The following SGCZ variants were observed in gnomAD, a reference collection of about 807,000 sequenced individuals.
SGCZ encodes sarcoglycan zeta.
In SGCZ, 40 loss-of-function variants were observed where a neutral mutation model predicts 41.3. The observed-to-expected ratio is 0.97, with a 90% CI of 0.75 to 1.26. The LOEUF (loss-of-function observed/expected upper bound fraction) is 1.26. Among genes scored for constraint, SGCZ ranks in the 50% most tolerant of loss-of-function variants. The pLI is 0.00. For synonymous variants in SGCZ, 206 were observed against 137.5 expected, an observed-to-expected ratio of 1.50 and a Z score of -3.49; for missense variants, 552 against 369.8, an observed-to-expected ratio of 1.49 and a Z score of -4.04.
intron 2 of SGCZ, among the ~76,000 whole-genome samples, chr8:14,362,778 A>G (rs564904329): frequency 2.6e-5 from 4 of 152,224 alleles, no homozygotes; most frequent in African/African-American, 9.6e-5. Context: ...TTCTGTGTCT[A>G]TCTCATTAGG....
chr8:14,772,987 C>G (rs183748694), intron 1 of SGCZ, among the ~76,000 whole-genome samples: 1 of 152,012 alleles, frequency 6.6e-6, no homozygotes, highest in Non-Finnish European at 1.5e-5. Flanking sequence ...GTTCTAGATC[C>G]CTGAGAAATT....
chr8:14,995,796 C>G (rs1802194873), intron 1 of SGCZ, among the ~76,000 whole-genome samples: 1 of 152,116 alleles, frequency 6.6e-6, no homozygotes, highest in Non-Finnish European at 1.5e-5. Context: ...TCTAAAATAT[C>G]TAATATGCAT....
chr8:14,136,566 A>G (rs920278642), intron 5 of SGCZ, among the ~76,000 whole-genome samples: 1 of 152,152 alleles, frequency 6.6e-6, no homozygotes, highest in Non-Finnish European at 1.5e-5. Flanking sequence ...GCAGTCCCAG[A>G]TCAAACTGCG....
intron 3 of SGCZ, among the ~76,000 whole-genome samples, chr8:14,281,576 G>T (rs542742972): frequency 6.6e-6 from 1 of 151,962 alleles, no homozygotes; most frequent in Admixed American, 6.6e-5. Context: ...CCAATTTATA[G>T]ACCATCTAGT....
intron 3 of SGCZ, among the ~76,000 whole-genome samples, chr8:14,269,615 G>T (rs942242813): frequency 4.6e-5 from 7 of 152,076 alleles, no homozygotes; most frequent in Non-Finnish European, 1.5e-5. Flanking sequence ...TTGCCTTTGG[G>T]TCATTGATCT....
chr8:15,178,007 C>G (rs1563167695), intron 1 of SGCZ, among the ~76,000 whole-genome samples: 1 of 152,158 alleles, frequency 6.6e-6, no homozygotes, highest in East Asian at 1.9e-4. Flanking sequence ...CCTATGACCT[C>G]TACCTGTAAG....
At chr8:14,493,050 C>T (rs1801886686) in intron 2 of SGCZ, among the ~76,000 whole-genome samples, 1 of 152,012 alleles carries the variant, frequency 6.6e-6, no homozygotes, top group South Asian at 2.1e-4. Context: ...GATTGTCTCT[C>T]CAAAAAATGT....
intron 3 of SGCZ, among the ~76,000 whole-genome samples, chr8:14,266,022 A>G (rs1413269686): frequency 3.3e-5 from 5 of 152,198 alleles, no homozygotes; most frequent in African/African-American, 1.2e-4. Context: ...AGTGTTCAAG[A>G]GGCTCTTAAG....
At chr8:14,756,538 ACT>A (rs1199698124) in intron 1 of SGCZ, among the ~76,000 whole-genome samples, 1 of 151,980 alleles carries the variant, frequency 6.6e-6, no homozygotes, top group African/African-American at 2.4e-5. Flanking sequence ...TCTGCAGATG[ACT>A]CTAATATGTT....
At chr8:15,185,015 C>G (rs1489157210) in intron 1 of SGCZ, among the ~76,000 whole-genome samples, 1 of 152,144 alleles carries the variant, frequency 6.6e-6, no homozygotes, top group Non-Finnish European at 1.5e-5. Context: ...CTTCATCTCC[C>G]AGGTTGCTTT....
chr8:15,037,478 G>A (rs536943310), intron 1 of SGCZ, among the ~76,000 whole-genome samples: 1 of 152,154 alleles, frequency 6.6e-6, no homozygotes, highest in South Asian at 2.1e-4. Context: ...CACAGCATGA[G>A]AATGGACTAA....
At chr8:14,373,042 G>C (rs1218334131) in intron 2 of SGCZ, among the ~76,000 whole-genome samples, 2 of 152,158 alleles carry the variant, frequency 1.3e-5, no homozygotes, top group Non-Finnish European at 2.9e-5. Context: ...AGATTGCAAA[G>C]AACAGAAGGA....
At chr8:15,157,167 T>A (rs988924687) in intron 1 of SGCZ, among the ~76,000 whole-genome samples, 1 of 152,114 alleles carries the variant, frequency 6.6e-6, no homozygotes, top group African/African-American at 2.4e-5. Context: ...CAATATTACA[T>A]ACATAGATGA....
intron 1 of SGCZ, among the ~76,000 whole-genome samples, chr8:14,593,078 T>C (rs1429618903): frequency 6.6e-6 from 1 of 152,114 alleles, no homozygotes; most frequent in African/African-American, 2.4e-5. Context: ...AGGTGAATAA[T>C]GCACCTCCTC....
At chr8:14,786,295 T>C (rs1290416003) in intron 1 of SGCZ, among the ~76,000 whole-genome samples, 2 of 152,194 alleles carry the variant, frequency 1.3e-5, no homozygotes, top group Non-Finnish European at 2.9e-5. Context: ...AAACCATCAA[T>C]AGAGCATTGA....
At chr8:14,329,591 T>C (rs1395404098) in intron 2 of SGCZ, among the ~76,000 whole-genome samples, 2 of 147,100 alleles carry the variant, frequency 1.4e-5, no homozygotes, top group Non-Finnish European at 3.0e-5. Flanking sequence ...AGTATTATGC[T>C]TGCTCAAAAG....
intron 1 of SGCZ, among the ~76,000 whole-genome samples, chr8:14,983,174 CTTTT>C (rs978868197): frequency 7.9e-6 from 1 of 127,310 alleles, no homozygotes; most frequent in South Asian, 2.8e-4. Flanking sequence ...GCTGTCACTC[CTTTT>C]TTTTTTCTTT....
chr8:14,448,022 A>G (rs2117391101), intron 2 of SGCZ, among the ~76,000 whole-genome samples: 1 of 152,296 alleles, frequency 6.6e-6, no homozygotes, highest in South Asian at 2.1e-4. Context: ...ATAGTCTGAA[A>G]TCGGGGTGAA....
chr8:14,602,284 G>A (rs915357579), intron 1 of SGCZ, among the ~76,000 whole-genome samples: 1 of 152,018 alleles, frequency 6.6e-6, no homozygotes, highest in African/African-American at 2.4e-5. Context: ...AACACCGTAG[G>A]AATTTGAGTT....
Sources: allele counts gnomAD v4.1 joint callset (sites outside exome capture counted in the v4.1 genomes callset), GRCh38; gene constraint gnomAD v4.1.1; transcripts MANE v1.5; gene names NCBI Gene and HGNC (gene_info 2026-07-23, HGNC 2026-07-21).